The following LYPD6 variants were observed in gnomAD, a reference collection of about 807,000 sequenced individuals.
LYPD6 encodes ly6/PLAUR domain-containing protein 6.
Under a neutral mutation model 22.7 loss-of-function variants are expected in LYPD6, and 15 were observed. The observed-to-expected ratio is 0.66, with a 90% CI of 0.44 to 1.02. The LOEUF (loss-of-function observed/expected upper bound fraction) is 1.02, where lower values mean the gene tolerates loss of function less well. Among genes scored for constraint, LYPD6 ranks in the 50% least tolerant of loss-of-function variants. The pLI is 0.00. For missense variants in LYPD6, 189 were observed against 208.4 expected (o/e 0.91, Z 0.57); for synonymous variants, 72 against 77.5 (o/e 0.93, Z 0.37).
chr2:149,481,045 AT>A, the LYPD6 span, among the ~76,000 whole-genome samples: 3 of 152,092 alleles, frequency 2.0e-5, no homozygotes, highest in Non-Finnish European at 4.4e-5. Context: ...ACAGTCCCTA[AT>A]CAGTCTCTTG....
intron 1 of LYPD6, among the ~76,000 whole-genome samples, chr2:149,351,692 A>T (rs552194262): frequency 5.8e-4 from 89 of 152,334 alleles, no homozygotes; most frequent in African/African-American, 2.1e-3. Context: ...GAAGGGGGTT[A>T]TTAAAGAAAG....
At chr2:149,397,303 G>A (rs187449672) in intron 1 of LYPD6, among the ~76,000 whole-genome samples, 1 of 152,300 alleles carries the variant, frequency 6.6e-6, no homozygotes, top group Non-Finnish European at 1.5e-5. Context: ...GCTGGGCTGG[G>A]AGTCCCAGAT....
At chr2:149,444,642 C>G (rs1395118630) in intron 2 of LYPD6, among the ~76,000 whole-genome samples, 1 of 152,098 alleles carries the variant, frequency 6.6e-6, no homozygotes, top group Admixed American at 6.6e-5. Flanking sequence ...TAGATTCCAT[C>G]TCAAGAAACG....
At chr2:149,363,606 G>A (rs976777) in intron 1 of LYPD6, among the ~76,000 whole-genome samples, 5,424 of 152,222 alleles carry the variant, frequency 0.036, 318 homozygotes, top group African/African-American at 0.12. Flanking sequence ...TAATCAGTTG[G>A]CTCTGTAAAT....
intron 1 of LYPD6, among the ~76,000 whole-genome samples, chr2:149,417,053 G>A (rs1284655750): frequency 6.6e-6 from 1 of 152,120 alleles, no homozygotes; most frequent in Admixed American, 6.5e-5. Flanking sequence ...GGCTCTGCTG[G>A]GTGTGAGTGC....
chr2:149,376,431 G>T (rs900308997), intron 1 of LYPD6, among the ~76,000 whole-genome samples: 10 of 151,984 alleles, frequency 6.6e-5, no homozygotes, highest in Non-Finnish European at 1.5e-4. Context: ...TGCTCAGTAG[G>T]GGGGTCTTCC....
intron 1 of LYPD6, among the ~76,000 whole-genome samples, chr2:149,378,305 ACAGAATTTCGCCATGTTG>A (rs1318906776): frequency 1.3e-5 from 2 of 152,022 alleles, no homozygotes; most frequent in African/African-American, 2.4e-5. Context: ...TTTTATAGAG[ACAGAATTTCGCCATGTTG>A]CCCAGGCTGG....
chr2:149,387,064 A>G (rs72991491), intron 1 of LYPD6, among the ~76,000 whole-genome samples: 3,432 of 152,192 alleles, frequency 0.023, 104 homozygotes, highest in African/African-American at 0.077. Flanking sequence ...GACCAAGTGG[A>G]AAAAAAATCT....
In LYPD6 at chr2:149,354,039, G is replaced by T. The variant is rs557978788; in HGVS notation, c.-72+23317G>T. Among the ~76,000 whole-genome samples, 13 of 152,292 alleles carry T rather than the reference G, an allele frequency of 8.5e-5. No individual in the cohort carries two copies. In the South Asian group the frequency reaches 2.7e-3, roughly 32 times the overall value. On this transcript the variant is annotated intron_variant, in intron 1 of 4. Coordinates refer to ENST00000334166, the MANE Select transcript of LYPD6 (RefSeq NM_194317.5). ...TAACTAGTGATAGGGTCTGGTGTCA[G>T]AAAGATACAAACAGAAGATCCTGTG...
At chr2:149,430,219 C>A (rs932049473) in intron 1 of LYPD6, among the ~76,000 whole-genome samples, 1 of 152,180 alleles carries the variant, frequency 6.6e-6, no homozygotes, top group Non-Finnish European at 1.5e-5. Flanking sequence ...CCTGCCTCAG[C>A]ATCTGGAGTA....
At chr2:149,405,007 T>A (rs571221234) in intron 1 of LYPD6, among the ~76,000 whole-genome samples, 1 of 152,318 alleles carries the variant, frequency 6.6e-6, no homozygotes, top group East Asian at 1.9e-4. Context: ...GGTTTTTGTC[T>A]TTGGTTCTGT....
At chr2:149,331,766 C>T (rs148234537) in intron 1 of LYPD6, among the ~76,000 whole-genome samples, 1 of 152,282 alleles carries the variant, frequency 6.6e-6, no homozygotes, top group Non-Finnish European at 1.5e-5. Flanking sequence ...CAAGGTGTGA[C>T]CTCCAAAATT....
chr2:149,428,326 G>T (rs1188839084), intron 1 of LYPD6, among the ~76,000 whole-genome samples: 2 of 152,194 alleles, frequency 1.3e-5, no homozygotes, highest in Non-Finnish European at 2.9e-5. Flanking sequence ...GGCAAAGGGA[G>T]ATTTATTGGA....
At chr2:149,351,237 T>C (rs1573734582) in intron 1 of LYPD6, among the ~76,000 whole-genome samples, 1 of 151,128 alleles carries the variant, frequency 6.6e-6, no homozygotes, top group Non-Finnish European at 1.5e-5. Context: ...CTAATAAAAA[T>C]ACAAAAATTA....
At chr2:149,462,827 G>A (rs1306131394) in intron 3 of LYPD6, among the ~76,000 whole-genome samples, 1 of 151,992 alleles carries the variant, frequency 6.6e-6, no homozygotes, top group African/African-American at 2.4e-5. Context: ...AAATGGTACT[G>A]GAGGAACTGG....
At chr2:149,376,218 C>T (rs375417222) in intron 1 of LYPD6, among the ~76,000 whole-genome samples, 3 of 152,258 alleles carry the variant, frequency 2.0e-5, no homozygotes, top group Admixed American at 6.5e-5. Context: ...TCCAGATTTG[C>T]GGTCTAAAAC....
At chr2:149,479,394 C>A in the LYPD6 span, among the ~76,000 whole-genome samples, 1 of 152,186 alleles carries the variant, frequency 6.6e-6, no homozygotes, top group African/African-American at 2.4e-5. Flanking sequence ...ATCTCTCCCC[C>A]TCAGACTCCT....
intron 1 of LYPD6, among the ~76,000 whole-genome samples, chr2:149,354,582 A>G (rs1339426214): frequency 1.3e-5 from 2 of 152,074 alleles, no homozygotes; most frequent in Non-Finnish European, 2.9e-5. Flanking sequence ...AAGAGATTAG[A>G]CCAAGCTACA....
intron 3 of LYPD6, among the ~76,000 whole-genome samples, chr2:149,458,085 T>C (rs905603669): frequency 6.6e-6 from 1 of 152,238 alleles, no homozygotes; most frequent in Admixed American, 6.5e-5. Context: ...GAAAAAATTG[T>C]AGCCCCAATC....
Sources: allele counts gnomAD v4.1 joint callset (sites outside exome capture counted in the v4.1 genomes callset), GRCh38; gene constraint gnomAD v4.1.1; transcripts MANE v1.5; gene names NCBI Gene and HGNC (gene_info 2026-07-23, HGNC 2026-07-21).